PKHD1: variants seen among roughly 807,000 people sequenced by gnomAD.
PKHD1 encodes the protein PKHD1 ciliary IPT domain containing fibrocystin/polyductin.
Under a neutral mutation model 412.0 loss-of-function variants are expected in PKHD1, and 291 were observed. That is an observed-to-expected ratio of 0.71 (90% CI 0.64 to 0.78). The LOEUF (loss-of-function observed/expected upper bound fraction) is 0.78. Among genes scored for constraint, PKHD1 ranks in the 30% least tolerant of loss-of-function variants. The pLI, the probability that PKHD1 is intolerant of heterozygous loss-of-function variation, is 0.00. For missense variants in PKHD1, 4,825 were observed against 4,950.7 expected (o/e 0.97, Z 0.76); for synonymous variants, 1,777 against 1,821.5 (o/e 0.98, Z 0.62).
intron 50 of PKHD1, among the ~76,000 whole-genome samples, chr6:51,842,726 C>A (rs923573177): frequency 2.0e-5 from 3 of 152,192 alleles, no homozygotes; most frequent in Non-Finnish European, 4.4e-5. Flanking sequence ...TGGCCACCCC[C>A]CTACAAGTGG....
intron 60 of PKHD1, chr6:51,721,238 G>A (rs921442747): frequency 3.2e-6 from 3 of 949,034 alleles, no homozygotes; most frequent in East Asian, 1.2e-4. Flanking sequence ...AGCATAAATG[G>A]GTTATCTTTA....
In PKHD1 at chr6:52,058,543, T is replaced by C. The variant is rs1387063946; in HGVS notation, c.1292A>G (p.Asn431Ser). The C allele has an allele frequency of 3.1e-6, 5 of 1,614,198 alleles. No individual in the cohort carries two copies. Among genetic ancestry groups the C allele is most frequent in the Admixed American group, 1.7e-5 (1 of 60,020 alleles). Reference protein sequence around the residue: ...TADWFDSWEQNRDEGTWQQKT... With the variant: ...TADWFDSWEQSRDEGTWQQKT... ...CTGCTGCCAGGTCCCTTCATCCCTA[T>C]TCTGCTCCCAGGAGTCAAACCAGTC... is the stretch of plus-strand genomic sequence containing the variant. Residue 431 changes from asparagine (N) to serine (S), a missense_variant, in exon 16 of 67, where the codon AAT (asparagine) becomes AGT (serine). Coordinates refer to ENST00000371117, the MANE Select transcript of PKHD1 (RefSeq NM_138694.4).
intron 16 of PKHD1, among the ~76,000 whole-genome samples, chr6:52,057,747 C>A (rs1289774328): frequency 6.6e-6 from 1 of 152,240 alleles, no homozygotes; most frequent in African/African-American, 2.4e-5. Context: ...TTGTTACTTT[C>A]TACTTTGTTC....
intron 52 of PKHD1, among the ~76,000 whole-genome samples, chr6:51,822,142 C>G (rs1163004820): frequency 6.6e-6 from 1 of 152,182 alleles, no homozygotes; most frequent in Non-Finnish European, 1.5e-5. Flanking sequence ...ACCAGGGACA[C>G]AACCTGGCTG....
intron 46 of PKHD1, among the ~76,000 whole-genome samples, chr6:51,879,118 CACAA>C (rs1776996089): frequency 1.3e-5 from 1 of 77,348 alleles, no homozygotes; most frequent in Non-Finnish European, 2.3e-5. Context: ...TAAAAGAGGA[CACAA>C]ACAAATGGAA....
At chr6:52,037,173 A>G (rs1804089998) in intron 27 of PKHD1, among the ~76,000 whole-genome samples, 1 of 152,120 alleles carries the variant, frequency 6.6e-6, no homozygotes, top group Admixed American at 6.5e-5. Flanking sequence ...AGTAAATATC[A>G]CTGAAAAAAA....
intron 31 of PKHD1, among the ~76,000 whole-genome samples, chr6:52,027,255 G>A (rs1411290118): frequency 6.7e-6 from 1 of 150,026 alleles, no homozygotes; most frequent in Non-Finnish European, 1.5e-5. Flanking sequence ...ATCTCGGCTG[G>A]GCACGGTGGC....
chr6:51,918,289 G>A, intron 37 of PKHD1, among the ~76,000 whole-genome samples: 1 of 151,982 alleles, frequency 6.6e-6, no homozygotes, highest in East Asian at 1.9e-4. Flanking sequence ...ATGGTGGTTT[G>A]CTGCACCCAT....
At chr6:51,619,849 G>T (rs990317474) in intron 66 of PKHD1, among the ~76,000 whole-genome samples, 1 of 151,982 alleles carries the variant, frequency 6.6e-6, no homozygotes, top group African/African-American at 2.4e-5. Flanking sequence ...TTACCAACAG[G>T]CCAACTTACC....
chr6:52,048,444 G>A, intron 23 of PKHD1, 48 bp downstream of exon 23: 5 of 1,587,898 alleles, frequency 3.1e-6, no homozygotes, highest in Non-Finnish European at 4.3e-6. Context: ...GGGAATGTGA[G>A]TGAGAATATG....
intron 37 of PKHD1, among the ~76,000 whole-genome samples, chr6:51,914,895 C>T (rs1475484594): frequency 6.6e-6 from 1 of 152,100 alleles, no homozygotes; most frequent in Non-Finnish European, 1.5e-5. Context: ...CAAGCCCAAT[C>T]TTTTCAGTGA....
In PKHD1 at chr6:52,059,965, G is replaced by A. The variant is rs774677457; in HGVS notation, c.1196C>T (p.Ser399Phe). The stretch of plus-strand genomic sequence containing the variant: ...TTCCTCTGACCAACTGAAATGCAAG[G>A]AAGCTTGGCTATCTGCCTGAATCCA... ...TFWIQADSQA[S>F]LHFSWSEEPR... is the part of the protein sequence containing the mutation. The change falls in exon 15 of 67, where the codon TCC becomes TTC. Residue 399 changes from serine to phenylalanine, a missense_variant. Physicochemically the swap from Ser to Phe is radical, Grantham distance 155 (BLOSUM62 -2). Coordinates refer to ENST00000371117, the MANE Select transcript of PKHD1 (RefSeq NM_138694.4). 13 of 1,605,814 alleles carry A rather than the reference G, an allele frequency of 8.1e-6. No individual in the cohort carries two copies. The highest frequency in any genetic ancestry group is 5.0e-5 in the Admixed American group (3 of 59,990).
chr6:51,659,801 C>T lies in PKHD1; in HGVS notation c.10325G>A (p.Ser3442Asn). 1 of 1,613,818 alleles carries T rather than the reference C, an allele frequency of 6.2e-7. No homozygotes were observed. The highest frequency in any genetic ancestry group is 8.5e-7 in the Non-Finnish European group (1 of 1,179,836). Residue 3442 changes from serine (S) to asparagine (N), a missense_variant, in exon 61 of 67, where the codon AGC becomes AAC. Coordinates refer to ENST00000371117, the MANE Select transcript of PKHD1 (RefSeq NM_138694.4). ...GCAGGGAATATTGGCATTTACACTGCTAAAGACATCAACAAAACCACTAGT... is the reference window on the plus strand; with the variant it reads ...GCAGGGAATATTGGCATTTACACTGTTAAAGACATCAACAAAACCACTAGT... ...SVTSGFVDVF[S>N]SVNANIPCST...
At chr6:51,678,442 C>G (rs1776177648) in intron 60 of PKHD1, among the ~76,000 whole-genome samples, 1 of 152,148 alleles carries the variant, frequency 6.6e-6, no homozygotes, top group Non-Finnish European at 1.5e-5. Context: ...CTATCCTTAT[C>G]TCAAACCAGT....
intron 52 of PKHD1, among the ~76,000 whole-genome samples, chr6:51,804,453 G>C (rs1763438131): frequency 6.9e-6 from 1 of 144,178 alleles, no homozygotes. Context: ...TCAATTATCA[G>C]CTATTGTTTT....
chr6:51,848,268 T>C lies in PKHD1; in HGVS notation c.7912-298A>G, dbSNP rs140324140. On this transcript the variant is annotated intron_variant, in intron 49 of 66. Transcript: ENST00000371117. ...AGAGGAGAAAGCCAAGGCCCAGACA[T>C]ATGAATTGACACGTCTCAGGTCAAA... Among the ~76,000 whole-genome samples the C allele has an allele frequency of 1.4e-3, 218 of 152,262 alleles. 1 individual carries two copies. Among genetic ancestry groups the C allele is most frequent in the African/African-American group, 5.0e-3 (209 of 41,552 alleles).
At chr6:51,901,241 G>T (rs1018945416) in intron 43 of PKHD1, among the ~76,000 whole-genome samples, 15 of 152,066 alleles carry the variant, frequency 9.9e-5, no homozygotes, top group African/African-American at 2.4e-4. Context: ...TGCGGCATTA[G>T]TCACAATAGC....
At position 51,649,177 on chromosome 6, in the gene PKHD1, G is replaced by A. The variant is rs1554176504; in HGVS notation, c.11218C>T (p.Pro3740Ser). The change falls in exon 62 of 67, where the codon CCC becomes TCC. Residue 3740 changes from proline (P) to serine (S), a missense_variant. By Grantham distance (74) the Pro-to-Ser change is moderately conservative. Transcript: ENST00000371117. ...FKTGNLIYIR[P>S]YALSILVQPS... ...TGGACTAGGATGGAAAGTGCATAGG[G>A]CCGAATATATATCAAGTTCCCAGTT... 2 of 1,611,614 alleles carry A rather than the reference G, an allele frequency of 1.2e-6. No individual in the cohort carries two copies. The highest frequency in any genetic ancestry group is 1.7e-6 in the Non-Finnish European group (2 of 1,177,836).
At chr6:51,965,585 T>C (rs1792684724) in intron 35 of PKHD1, among the ~76,000 whole-genome samples, 1 of 150,168 alleles carries the variant, frequency 6.7e-6, no homozygotes. Flanking sequence ...TCGGTGGTTA[T>C]AAACCCCTCA....
Sources: allele counts gnomAD v4.1 joint callset (sites outside exome capture counted in the v4.1 genomes callset), GRCh38; gene constraint gnomAD v4.1.1; transcripts MANE v1.5; gene names NCBI Gene and HGNC (gene_info 2026-07-23, HGNC 2026-07-21).